Variants in NELFA observed in about 807,000 individuals in gnomAD.
NELFA encodes the protein negative elongation factor A.
In NELFA, 35 loss-of-function variants were observed where a neutral mutation model predicts 51.8. That is an observed-to-expected ratio of 0.68 (90% CI 0.52 to 0.90). The LOEUF is 0.90. Ranked by LOEUF, NELFA falls within the 40% of genes least tolerant of loss-of-function variation. The probability of loss-of-function intolerance (pLI) is 0.00; values close to 1 mark genes in which losing one functional copy is unlikely to be tolerated. For missense variants in NELFA, 658 were observed against 746.4 expected (o/e 0.88, Z 1.38); for synonymous variants, 417 against 338.4 (o/e 1.23, Z -2.55).
chr4:1,997,125 AAAAC>A (rs1434346297), intron 1 of NELFA, among the ~76,000 whole-genome samples: 3 of 152,242 alleles, frequency 2.0e-5, no homozygotes, highest in Admixed American at 2.0e-4. Flanking sequence ...ACAAACAAAA[AAAAC>A]AAAACCCATA....
intron 1 of NELFA, among the ~76,000 whole-genome samples, chr4:1,995,476 ATGT>A (rs1728396853): frequency 6.6e-6 from 1 of 152,246 alleles, no homozygotes; most frequent in African/African-American, 2.4e-5. Context: ...ATAAATTAGA[ATGT>A]CTTATAAACC....
At chr4:1,990,142 G>A (rs531329974) in intron 2 of NELFA, 22 of 497,920 alleles carry the variant, frequency 4.4e-5, no homozygotes, top group African/African-American at 3.7e-4. Flanking sequence ...AACCACAGGC[G>A]GACATAGATA....
chr4:1,998,815 T>C (rs1016170188), intron 1 of NELFA, among the ~76,000 whole-genome samples: 31 of 151,990 alleles, frequency 2.0e-4, no homozygotes, highest in Non-Finnish European at 5.9e-5. Context: ...AGACACTCCA[T>C]GAGAAGATCA....
chr4:2,006,392 CG>C (rs1728710723), intron 1 of NELFA, among the ~76,000 whole-genome samples: 1 of 152,110 alleles, frequency 6.6e-6, no homozygotes, highest in Non-Finnish European at 1.5e-5. Context: ...GCATGTCCCT[CG>C]GGGAGACACA....
At position 1,989,775 on chromosome 4, in the gene NELFA, C is replaced by T. The variant is rs139278714; in HGVS notation, c.477G>A (p.Pro159=). 2.1e-4 allele frequency: 337 copies of T among 1,614,026 alleles called. No individual in the cohort carries two copies. Among genetic ancestry groups the T allele is most frequent in the Non-Finnish European group, 2.7e-4 (315 of 1,180,028 alleles). ...TCCGCTTTAACTGAAAATGCTTCAC[C>T]GGGGGAGTGAGGGGTCCCGCGAGGG... The part of the protein sequence containing the change: ...LTTLAGPLTP[P]VKHFQLKRKP... Residue 159 remains proline (P), a synonymous_variant, in exon 3 of 11, where the codon CCG becomes CCA. Coordinates refer to ENST00000382882, the MANE Select transcript of NELFA (RefSeq NM_005663.5). This position sits in a 1 kb window ranked among gnomAD's most constrained non-coding sequence, Gnocchi z 4.8.
At chr4:1,984,210 G>T (rs1577609944) in intron 8 of NELFA, 97 bp from the exon 9 acceptor site, 1 of 1,360,518 alleles carries the variant, frequency 7.4e-7, no homozygotes, top group Non-Finnish European at 9.7e-7. Flanking sequence ...CCCCTTCTCT[G>T]TCCTGCTACC....
chr4:2,004,096 T>A (rs531882858), intron 1 of NELFA: 1 of 151,866 alleles, frequency 6.6e-6, no homozygotes, highest in African/African-American at 2.4e-5. Flanking sequence ...GAGGCGCAGG[T>A]TGTGGTGAGC....
intron 1 of NELFA, among the ~76,000 whole-genome samples, chr4:2,002,908 C>G (rs993794968): frequency 2.0e-5 from 3 of 152,200 alleles, no homozygotes; most frequent in Admixed American, 2.0e-4. Context: ...TAAAGAGCTT[C>G]TGCTCAGCAA....
chr4:1,991,861 T>A, intron 1 of NELFA, 146 bp from the exon 2 acceptor site: 1 of 796,444 alleles, frequency 1.3e-6, no homozygotes, highest in Non-Finnish European at 1.9e-6. Flanking sequence ...CCCCTTCCTC[T>A]GAGCCCCCCG....
intron 1 of NELFA, chr4:2,007,949 A>G: frequency 2.2e-6 from 1 of 456,732 alleles, no homozygotes; most frequent in Middle Eastern, 3.3e-4. Context: ...AGTTTAGGAA[A>G]AAAGAAAACA....
At chr4:1,986,571 G>A in intron 4 of NELFA, 169 bp from the exon 5 acceptor site, 2 of 1,052,588 alleles carry the variant, frequency 1.9e-6, no homozygotes. Flanking sequence ...AAGGAGCAGG[G>A]GAACGCCTGG....
rs538543444 is a variant in NELFA, at chr4:1,994,522, G to A, written c.211-2807C>T. On this transcript the variant is annotated intron_variant, in intron 1 of 10. Transcript: ENST00000382882. ...AGAGATTCTGGTGAGCCAAGATGGC[G>A]CCACTGTACTCCAGCCTGGGCAACA... Among the ~76,000 whole-genome samples, 13 of 150,616 alleles carry A rather than the reference G, an allele frequency of 8.6e-5. No individual in the cohort carries two copies. The South Asian group carries it at 1.1e-3, about 12-fold the overall frequency.
chr4:2,003,987 C>T (rs958681480), intron 1 of NELFA: 1 of 151,912 alleles, frequency 6.6e-6, no homozygotes, highest in Admixed American at 6.6e-5. Context: ...CCCGTCTCCA[C>T]TAAAAATACA....
chr4:1,984,001 A>G lies in NELFA; in HGVS notation c.1149T>C (p.Pro383=). The G allele has an allele frequency of 3.1e-6, 5 of 1,609,358 alleles. No individual in the cohort carries two copies. The highest frequency in any genetic ancestry group is 2.5e-6 in the Non-Finnish European group (3 of 1,179,602). ...RAPMYNSGLS[P]ATPTPAAPTS... ...TGGGCGCCGCAGGCGTGGGTGTGGC[A>G]GGGCTCAGGCCGCTGTTGTACATGG... Residue 383 remains proline, a synonymous_variant, in exon 9 of 11, where the codon CCT becomes CCC. Transcript: ENST00000382882.
chr4:1,983,546 C>A, intron 10 of NELFA, 43 bp from the exon 11 acceptor site: 1 of 1,611,272 alleles, frequency 6.2e-7, no homozygotes, highest in Non-Finnish European at 8.5e-7. Flanking sequence ...TGGGGGCACC[C>A]GCCCCCAACC....
chr4:2,005,050 C>T (rs575910864), intron 1 of NELFA, among the ~76,000 whole-genome samples: 5 of 151,618 alleles, frequency 3.3e-5, no homozygotes, highest in East Asian at 1.9e-4. Context: ...CCTCGTGATC[C>T]GCCCGCCTCG....
intron 7 of NELFA, among the ~76,000 whole-genome samples, 195 bp downstream of exon 7, chr4:1,985,581 C>A (rs1165476421): frequency 6.6e-6 from 1 of 152,226 alleles, no homozygotes; most frequent in African/African-American, 2.4e-5. Flanking sequence ...CGCTCCAAGC[C>A]TGAGTCAGAT....
chr4:1,999,438 G>A (rs1249633097), intron 1 of NELFA, among the ~76,000 whole-genome samples: 2 of 151,882 alleles, frequency 1.3e-5, no homozygotes, highest in African/African-American at 4.8e-5. Context: ...TCAGAATAAC[G>A]GGATGGAGGA....
At chr4:1,988,029 T>G in intron 3 of NELFA, 22 bp from the exon 4 acceptor site, 1 of 1,599,214 alleles carries the variant, frequency 6.3e-7, no homozygotes, top group Non-Finnish European at 8.5e-7. Context: ...AGGTCACATA[T>G]GTCAGGGATC....
Sources: allele counts gnomAD v4.1 joint callset (sites outside exome capture counted in the v4.1 genomes callset), GRCh38; gene constraint gnomAD v4.1.1; non-coding constraint Gnocchi (gnomAD v3.1); transcripts MANE v1.5; gene names NCBI Gene and HGNC (gene_info 2026-07-23, HGNC 2026-07-21).